MGAM2: variants seen among roughly 807,000 people sequenced by gnomAD.
MGAM2 encodes maltase-glucoamylase 2 (putative), also known as probable maltase-glucoamylase 2.
MGAM2 carries 98 observed loss-of-function variants against 96.1 expected under a neutral mutation model. That is an observed-to-expected ratio of 1.02 (90% confidence interval 0.87 to 1.21). The LOEUF is 1.21. MGAM2 is among the 50% of genes most tolerant of loss of function. MGAM2 has a pLI of 0.00. For missense variants in MGAM2, 2,055 were observed against 1,182.4 expected (o/e 1.74, Z -10.82); for synonymous variants, 749 against 414.8 (o/e 1.81, Z -9.79).
At chr7:142,120,885 C>T (rs1188900092) in intron 3 of MGAM2, among the ~76,000 whole-genome samples, 1 of 152,178 alleles carries the variant, frequency 6.6e-6, no homozygotes, top group Non-Finnish European at 1.5e-5. Context: ...TGGATACGTG[C>T]TAAGGAACAC....
At chr7:142,196,838 C>T in intron 40 of MGAM2, 22 bp downstream of exon 40, 1 of 765,962 alleles carries the variant, frequency 1.3e-6, no homozygotes. Flanking sequence ...GTTCGTGCTC[C>T]AGGTGTTGTG....
chr7:142,154,794 G>C lies in MGAM2; in HGVS notation c.1872G>C (p.Gln624His). Residue 624 changes from glutamine to histidine, a missense_variant, in exon 17 of 48, where the codon CAG becomes CAC. Transcript: ENST00000477922. ...VTEELCRRWM[Q>H]LGAFYPLPRN... ...AGGAGCTCTGCAGAAGGTGGATGCA[G>C]CTTGGAGCATTTTATCCACTACCAA... The C allele has an allele frequency of 1.4e-6, 1 of 703,614 alleles. No homozygotes were observed. Among genetic ancestry groups the C allele is most frequent in the Non-Finnish European group, 2.6e-6 (1 of 385,130 alleles). The allele number at this position is 703,614 out of a possible 1,614,324, so 43.6% of individuals were successfully genotyped here. A position where few individuals can be genotyped will look rare whatever the true frequency, so the allele number is the denominator to read the frequency against.
chr7:142,188,767 G>C (rs527514520), intron 36 of MGAM2, among the ~76,000 whole-genome samples: 40 of 152,294 alleles, frequency 2.6e-4, no homozygotes, highest in African/African-American at 8.9e-4. Context: ...TAAGTTACAA[G>C]AGATATTCAA....
rs557850843 is a variant in MGAM2 at position 142,131,611 on chromosome 7, A to G, written c.404A>G (p.Asn135Ser). The part of the protein sequence containing the change: ...TLFTAEYQTS[N>S]RFHFKITDFN... Reference sequence around the variant, plus strand: ...TTCACAGCTGAATATCAGACATCCAATCGGTTTCATTTTAAGGTTGGTTTG... The same window carrying G: ...TTCACAGCTGAATATCAGACATCCAGTCGGTTTCATTTTAAGGTTGGTTTG... Residue 135 changes from asparagine (N) to serine (S), a missense_variant, in exon 5 of 48, where the codon AAT becomes AGT. Transcript: ENST00000477922. 2 of 703,130 alleles carry G rather than the reference A, an allele frequency of 2.8e-6. No individual in the cohort carries two copies. The highest frequency in any genetic ancestry group is 3.5e-5 in the African/African-American group (2 of 57,340). The allele number at this position is 703,130 out of a possible 1,614,324, so 43.6% of individuals were successfully genotyped here. A position where few individuals can be genotyped will look rare whatever the true frequency, so the allele number is the denominator to read the frequency against.
chr7:142,179,771 T>C (rs1427664566), intron 32 of MGAM2, among the ~76,000 whole-genome samples: 1 of 152,178 alleles, frequency 6.6e-6, no homozygotes. Context: ...TGTTAGTCTT[T>C]TGTTGAGGAT....
At chr7:142,214,106 AC>A (rs1000418715) in intron 46 of MGAM2, among the ~76,000 whole-genome samples, 3 of 152,272 alleles carry the variant, frequency 2.0e-5, no homozygotes, top group African/African-American at 7.2e-5. Flanking sequence ...AAAATTCAAC[AC>A]CCTTTCATGC....
At chr7:142,147,961 T>C (rs891291386) in intron 15 of MGAM2, among the ~76,000 whole-genome samples, 1 of 152,172 alleles carries the variant, frequency 6.6e-6, no homozygotes, top group African/African-American at 2.4e-5. Flanking sequence ...TAAAAATTAC[T>C]TGTTGTTTAT....
chr7:142,208,477 C>A, intron 45 of MGAM2, 96 bp from the exon 46 acceptor site: 1 of 680,310 alleles, frequency 1.5e-6, no homozygotes, highest in Non-Finnish European at 2.7e-6. Context: ...GTAACTGTGA[C>A]CCCATTGAGA....
intron 19 of MGAM2, 84 bp downstream of exon 19, chr7:142,158,416 G>T (rs1795798672): frequency 3.0e-6 from 2 of 656,358 alleles, no homozygotes; most frequent in South Asian, 1.7e-5. Context: ...TCCTATCTAT[G>T]ACTGCATTTA....
chr7:142,191,899 T>C (rs906258037), intron 37 of MGAM2, among the ~76,000 whole-genome samples: 3 of 152,178 alleles, frequency 2.0e-5, no homozygotes, highest in Non-Finnish European at 4.4e-5. Context: ...CAACAATTAT[T>C]TTTAGTTTTT....
intron 6 of MGAM2, among the ~76,000 whole-genome samples, chr7:142,132,829 G>C (rs188931780): frequency 1.6e-5 from 2 of 123,686 alleles, no homozygotes; most frequent in African/African-American, 3.2e-5. Context: ...ATAATTATAA[G>C]TAATATAATT....
intron 2 of MGAM2, among the ~76,000 whole-genome samples, chr7:142,118,536 T>A (rs1360298112): frequency 6.6e-6 from 1 of 152,126 alleles, no homozygotes; most frequent in African/African-American, 2.4e-5. Flanking sequence ...TTTAGATGGT[T>A]CATGGAGTCC....
chr7:142,216,794 A>G (rs569640771), intron 46 of MGAM2, among the ~76,000 whole-genome samples: 1 of 152,272 alleles, frequency 6.6e-6, no homozygotes, highest in South Asian at 2.1e-4. Flanking sequence ...CCAATTGAAC[A>G]TGTTTCTTTT....
rs1316159447 is a variant in MGAM2 at position 142,131,198 on chromosome 7, G to A, written c.310+127G>A. 30 of 625,472 alleles carry A rather than the reference G, an allele frequency of 4.8e-5. No homozygotes were observed. In the East Asian group the frequency reaches 7.4e-4, roughly 15 times the overall value. 38.7% of individuals were successfully genotyped at this position (625,472 alleles called of 1,614,324 possible). ...CTCACGTCTGTAATCCCAGCACTTC[G>A]AGAGGCTGACGTGGGTGGATCATGA... is the stretch of plus-strand genomic sequence containing the variant. On this transcript the variant is annotated intron_variant, in intron 4 of 47. Transcript: ENST00000477922.
intron 3 of MGAM2, among the ~76,000 whole-genome samples, chr7:142,121,623 C>G (rs1794575878): frequency 6.6e-6 from 1 of 151,022 alleles, no homozygotes; most frequent in African/African-American, 2.4e-5. Flanking sequence ...AGTTGTGCTT[C>G]TTTTATTATA....
chr7:142,131,418 C>G (rs1182861804), intron 4 of MGAM2, 100 bp from the exon 5 acceptor site: 1 of 638,474 alleles, frequency 1.6e-6, no homozygotes. Context: ...GCCTGGGCCA[C>G]AGGGCAAGAC....
chr7:142,159,218 T>C (rs2129085947), intron 19 of MGAM2, 69 bp from the exon 20 acceptor site: 1 of 692,070 alleles, frequency 1.4e-6, no homozygotes, highest in East Asian at 2.7e-5. Context: ...CATGTAATGA[T>C]GCCTGGAGGT....
rs1797878442 is a variant in MGAM2, at chr7:142,220,199, T to G, written c.5688T>G (p.Thr1896=). ...CTACTAATGCTAGCACTAATGCTAC[T>G]GTTCCTATCACAACCACACCTTTCC... The part of the protein sequence containing the change: ...TSTTNASTNA[T]VPITTTPFPT... The change falls in exon 48 of 48, where the codon ACT becomes ACG. Residue 1896 remains threonine (T), a synonymous_variant. Coordinates refer to ENST00000477922, the MANE Select transcript of MGAM2 (RefSeq NM_001293626.2). 1 of 702,892 alleles carries G rather than the reference T, an allele frequency of 1.4e-6. No individual in the cohort carries two copies. Among genetic ancestry groups the G allele is most frequent in the Non-Finnish European group, 2.6e-6 (1 of 384,928 alleles). The allele number at this position is 702,892 out of a possible 1,614,324, so 43.5% of individuals were successfully genotyped here. A position where few individuals can be genotyped will look rare whatever the true frequency, so the allele number is the denominator to read the frequency against.
Position 142,148,891 on chromosome 7 carries a change from C to T in MGAM2, c.1634+1318C>T, listed in dbSNP as rs1388987586. Among the ~76,000 whole-genome samples, 1 of 152,074 alleles carries T rather than the reference C, an allele frequency of 6.6e-6. No individual in the cohort carries two copies. On this transcript the variant is annotated intron_variant, in intron 15 of 47. Coordinates refer to ENST00000477922, the MANE Select transcript of MGAM2 (RefSeq NM_001293626.2). The surrounding 1 kb of genome is among the most constrained non-coding windows in gnomAD (Gnocchi z 4.2). ...TTCTCTTTCTCCTTGGTACTCAAGG[C>T]CATAACCACTCCTTTAAACTTAGCT...
Sources: gnomAD v4.1 joint callset for allele counts (sites outside exome capture counted in the v4.1 genomes callset) on GRCh38, gnomAD v4.1.1 for gene constraint, Gnocchi (gnomAD v3.1) non-coding constraint, MANE v1.5 for transcripts, NCBI Gene and HGNC (gene_info 2026-07-23, HGNC 2026-07-21) for gene names.